The following KRT8 variants were observed in gnomAD, a reference collection of about 807,000 sequenced individuals.
KRT8 encodes keratin 8.
Under a neutral mutation model 43.0 loss-of-function variants are expected in KRT8, and 24 were observed. That is an observed-to-expected ratio of 0.56 (90% CI 0.40 to 0.78). The LOEUF (loss-of-function observed/expected upper bound fraction) is 0.78, where lower values mean the gene tolerates loss of function less well. KRT8 is among the 30% of genes least tolerant of loss of function. The pLI, the probability that KRT8 is intolerant of heterozygous loss-of-function variation, is 0.00. For missense variants in KRT8, 492 were observed against 638.4 expected (o/e 0.77, Z 2.47); for synonymous variants, 214 against 261.2 (o/e 0.82, Z 1.74).
At chr12:52,941,412 G>A (rs534514117) in intron 2 of KRT8, among the ~76,000 whole-genome samples, 3 of 151,688 alleles carry the variant, frequency 2.0e-5, no homozygotes, top group Non-Finnish European at 2.9e-5. Context: ...AAAAAGCCAC[G>A]GTGCCAAGTG....
exon 1 of KRT8, chr12:52,904,934 G>C: frequency 6.2e-7 from 1 of 1,612,242 alleles, no homozygotes; most frequent in Non-Finnish European, 8.5e-7. Context: ...AGGCCCGGGG[G>C]CCAGAGGTGG....
intron 2 of KRT8, among the ~76,000 whole-genome samples, chr12:52,918,212 A>AAGG (rs1941809563): frequency 9.8e-5 from 13 of 132,850 alleles, no homozygotes; most frequent in South Asian, 2.6e-4. Context: ...GAACAAGAAG[A>AAGG]AGAAGAAGAA....
At chr12:52,940,218 G>A (rs780658782) in intron 2 of KRT8, among the ~76,000 whole-genome samples, 1 of 152,022 alleles carries the variant, frequency 6.6e-6, no homozygotes, top group African/African-American at 2.4e-5. Flanking sequence ...GGATTACCAA[G>A]CTCAGGTGTT....
chr12:52,905,797 T>C (rs1941505195), upstream of KRT8, among the ~76,000 whole-genome samples: 1 of 151,694 alleles, frequency 6.6e-6, no homozygotes, highest in African/African-American at 2.4e-5. Flanking sequence ...AGGTGCAAGA[T>C]AAAAAGAGAT....
chr12:52,919,405 T>C (rs1160265797), intron 2 of KRT8, among the ~76,000 whole-genome samples: 2 of 152,126 alleles, frequency 1.3e-5, no homozygotes, highest in Non-Finnish European at 2.9e-5. Context: ...TAGCTGGGAC[T>C]ACAGGCATGT....
intron 2 of KRT8, among the ~76,000 whole-genome samples, chr12:52,918,962 GT>G (rs2120652253): frequency 6.6e-6 from 1 of 152,288 alleles, no homozygotes; most frequent in East Asian, 1.9e-4. Context: ...CCCAGGGTAG[GT>G]GGTCAAGTGG....
At chr12:52,899,350 C>A (rs552672612) in intron 5 of KRT8, among the ~76,000 whole-genome samples, 1 of 152,008 alleles carries the variant, frequency 6.6e-6, no homozygotes, top group Non-Finnish European at 1.5e-5. Flanking sequence ...ACTAAGGAAG[C>A]AGATCAGGGA....
chr12:52,917,975 GGAA>G lies in KRT8; in HGVS notation c.-46-12951_-46-12949del, dbSNP rs755910762. Among the ~76,000 whole-genome samples the G allele has an allele frequency of 2.3e-3, 314 of 134,656 alleles. 3 individuals are homozygous for G. Among genetic ancestry groups the G allele is most frequent in the East Asian group, 0.012 (52 of 4,502 alleles). 88.3% of individuals were successfully genotyped at this position (134,656 alleles called of 152,430 possible). A position where few individuals can be genotyped will look rare whatever the true frequency, so the allele number is the denominator to read the frequency against. ...AAGAGGAAGAAGAAGAAGAGGAAGA[GGAA>G]GAAGAAGAAGAAGGAGAGGAAGGAG... is the stretch of plus-strand genomic sequence containing the variant. On this transcript the variant is annotated intron_variant, in intron 2 of 6. Transcript: ENST00000546826.
At chr12:52,917,920 A>AAGAAGG (rs1318326045) in intron 2 of KRT8, among the ~76,000 whole-genome samples, 1 of 149,608 alleles carries the variant, frequency 6.7e-6, no homozygotes, top group Non-Finnish European at 1.5e-5. Context: ...GGAGAAAAAG[A>AAGAAGG]AGAAGGAGAA....
intron 4 of KRT8, among the ~76,000 whole-genome samples, 161 bp downstream of exon 4, chr12:52,900,426 CA>C (rs1941338906): frequency 6.6e-6 from 1 of 152,176 alleles, no homozygotes; most frequent in African/African-American, 2.4e-5. Flanking sequence ...CATATAGACC[CA>C]ATAAATACTA....
chr12:52,935,529 TA>T (rs376953061), intron 2 of KRT8, among the ~76,000 whole-genome samples: 2,044 of 129,420 alleles, frequency 0.016, 48 homozygotes, highest in African/African-American at 0.051. Context: ...TGTCTCTACT[TA>T]AAAAAAAAAA....
At chr12:52,900,195 G>A in intron 4 of KRT8, 130 bp from the exon 5 acceptor site, 1 of 896,548 alleles carries the variant, frequency 1.1e-6, no homozygotes, top group Non-Finnish European at 1.7e-6. Flanking sequence ...TCAGGGTCAG[G>A]GAGAGGGCAA....
At chr12:52,928,973 T>C (rs1340085480) in intron 2 of KRT8, among the ~76,000 whole-genome samples, 1 of 152,152 alleles carries the variant, frequency 6.6e-6, no homozygotes, top group Admixed American at 6.6e-5. Flanking sequence ...CCCTCTCTCC[T>C]TGCCTCTACA....
rs1161700326 is a variant in KRT8, at chr12:52,938,136, C to CTATATATATATATA, written c.-47+11306_-47+11319dup. Among the ~76,000 whole-genome samples the CTATATATATATATA allele has an allele frequency of 6.5e-3, 284 of 43,850 alleles. 6 individuals are homozygous for CTATATATATATATA. The highest frequency in any genetic ancestry group is 9.7e-3 in the Non-Finnish European group (211 of 21,734). The allele number at this position is 43,850 out of a possible 152,430, so 28.8% of individuals were successfully genotyped here. A position where few individuals can be genotyped will look rare whatever the true frequency, so the allele number is the denominator to read the frequency against. On this transcript the variant is annotated intron_variant, in intron 2 of 6. Coordinates refer to the KRT8 transcript ENST00000546826. ...ATACCATTACACACCCACTAGAAAG[C>CTATATATATATATA]TATATATATATATATATATATATAT...
chr12:52,901,262 G>A (rs375740283), intron 2 of KRT8, 43 bp from the exon 3 acceptor site: 137 of 1,471,760 alleles, frequency 9.3e-5, no homozygotes, highest in Non-Finnish European at 1.2e-4. Context: ...AGGCAAAAGG[G>A]AGGTTGCCCT....
intron 2 of KRT8, among the ~76,000 whole-genome samples, chr12:52,920,106 C>T (rs937076345): frequency 3.3e-5 from 5 of 152,186 alleles, no homozygotes; most frequent in African/African-American, 1.2e-4. Context: ...TTCAATTATG[C>T]TGTTTTATAG....
At chr12:52,906,273 C>T (rs115448455), upstream of KRT8, among the ~76,000 whole-genome samples, 131 of 152,164 alleles carry the variant, frequency 8.6e-4, no homozygotes, top group Middle Eastern at 3.4e-3. Context: ...GAGATGGGAG[C>T]TATGTCAGGG....
At chr12:52,912,091 C>G (rs982582959) in intron 2 of KRT8, among the ~76,000 whole-genome samples, 1 of 152,150 alleles carries the variant, frequency 6.6e-6, no homozygotes, top group Non-Finnish European at 1.5e-5. Context: ...GTTTAACAAC[C>G]AAGAGACTGT....
chr12:52,936,674 G>A (rs1297409714), intron 2 of KRT8, among the ~76,000 whole-genome samples: 5 of 152,008 alleles, frequency 3.3e-5, no homozygotes, highest in African/African-American at 9.7e-5. Flanking sequence ...CACTATGCCC[G>A]GCTAATTTTT....
Sources: gnomAD v4.1 joint callset for allele counts (sites outside exome capture counted in the v4.1 genomes callset) on GRCh38, gnomAD v4.1.1 for gene constraint, MANE v1.5 for transcripts, NCBI Gene and HGNC (gene_info 2026-07-23, HGNC 2026-07-21) for gene names.